The following ELAPOR1 variants were observed in gnomAD, a reference collection of about 807,000 sequenced individuals.
ELAPOR1 encodes endosome/lysosome-associated apoptosis and autophagy regulator 1.
A neutral mutation model predicts 119.7 loss-of-function variants in ELAPOR1; 77 were observed. The observed-to-expected ratio is 0.64, with a 90% CI of 0.54 to 0.78. The LOEUF is 0.78. Among genes scored for constraint, ELAPOR1 ranks in the 30% least tolerant of loss-of-function variants. ELAPOR1 has a pLI of 0.00. For synonymous variants in ELAPOR1, 481 were observed against 487.2 expected (o/e 0.99, Z 0.17); for missense variants, 1,115 against 1,270.4 (o/e 0.88, Z 1.86).
chr1:109,190,232 C>T (rs79039050), intron 11 of ELAPOR1, among the ~76,000 whole-genome samples: 59 of 152,264 alleles, frequency 3.9e-4, no homozygotes, highest in African/African-American at 1.1e-3. Flanking sequence ...GCTTACTGGC[C>T]GTGCGACCTT....
intron 7 of ELAPOR1, among the ~76,000 whole-genome samples, chr1:109,182,535 T>C (rs1652758072): frequency 6.6e-6 from 1 of 151,862 alleles, no homozygotes; most frequent in Admixed American, 6.6e-5. Context: ...AGCTGCTAAA[T>C]GATGAAGCAG....
intron 1 of ELAPOR1, among the ~76,000 whole-genome samples, chr1:109,123,552 A>C (rs1648581086): frequency 6.6e-6 from 1 of 152,260 alleles, no homozygotes; most frequent in African/African-American, 2.4e-5. Context: ...GTTGATTTGA[A>C]TGAGATGAAC....
chr1:109,199,605 C>A (rs1469933650), intron 18 of ELAPOR1, among the ~76,000 whole-genome samples: 1 of 152,172 alleles, frequency 6.6e-6, no homozygotes, highest in African/African-American at 2.4e-5. Context: ...TACAATAGCT[C>A]TCATAAGATG....
chr1:109,201,477 A>G (rs1654172206), intron 21 of ELAPOR1: 1 of 413,428 alleles, frequency 2.4e-6, no homozygotes, highest in African/African-American at 2.0e-5. Flanking sequence ...TGGGGCCAGC[A>G]GACAGCATAC....
intron 1 of ELAPOR1, among the ~76,000 whole-genome samples, chr1:109,119,755 T>C (rs1248117526): frequency 6.6e-6 from 1 of 152,340 alleles, no homozygotes; most frequent in South Asian, 2.1e-4. Flanking sequence ...ATTGTTTTGC[T>C]ATTTCAAACA....
intron 1 of ELAPOR1, among the ~76,000 whole-genome samples, chr1:109,122,461 C>T (rs969167461): frequency 1.3e-5 from 2 of 151,330 alleles, no homozygotes; most frequent in African/African-American, 4.9e-5. Context: ...GAGTTCAGGA[C>T]CAGCCTGGGC....
chr1:109,182,977 C>T (rs2763377), intron 7 of ELAPOR1, among the ~76,000 whole-genome samples: 123,246 of 151,972 alleles, frequency 0.81, 50,584 homozygotes, highest in East Asian at 1. Flanking sequence ...GGTGACACAG[C>T]AGTCATATTC....
chr1:109,145,615 C>T (rs1276909757), intron 1 of ELAPOR1, among the ~76,000 whole-genome samples: 2 of 152,102 alleles, frequency 1.3e-5, no homozygotes, highest in Non-Finnish European at 2.9e-5. Context: ...GAGATCGTGC[C>T]ACTGCATTCC....
intron 3 of ELAPOR1, among the ~76,000 whole-genome samples, chr1:109,168,051 C>T (rs1168070615): frequency 6.6e-6 from 1 of 152,114 alleles, no homozygotes; most frequent in African/African-American, 2.4e-5. Flanking sequence ...TGCTTGTTTC[C>T]CCAGCCTCTC....
intron 1 of ELAPOR1, among the ~76,000 whole-genome samples, chr1:109,145,791 G>A (rs144598440): frequency 8.5e-5 from 13 of 152,298 alleles, no homozygotes; most frequent in Non-Finnish European, 5.9e-5. Context: ...ATGGAACTGG[G>A]ACTGCAGTTG....
intron 1 of ELAPOR1, among the ~76,000 whole-genome samples, chr1:109,143,659 C>T (rs1209655631): frequency 6.6e-6 from 1 of 152,066 alleles, no homozygotes; most frequent in Non-Finnish European, 1.5e-5. Context: ...TGAGTTTCAG[C>T]TGCCTGTAAA....
At chr1:109,184,815 G>T (rs988112649) in intron 7 of ELAPOR1, among the ~76,000 whole-genome samples, 1 of 152,236 alleles carries the variant, frequency 6.6e-6, no homozygotes, top group South Asian at 2.1e-4. Flanking sequence ...GCAAACAGTG[G>T]TTTCTCATCA....
chr1:109,199,207 C>G (rs553286767), intron 18 of ELAPOR1, among the ~76,000 whole-genome samples: 8 of 152,268 alleles, frequency 5.3e-5, no homozygotes, highest in African/African-American at 1.9e-4. Flanking sequence ...TGAACTAAAT[C>G]AAAAATTTCT....
chr1:109,182,056 G>C (rs887343930), intron 7 of ELAPOR1, among the ~76,000 whole-genome samples: 1 of 152,158 alleles, frequency 6.6e-6, no homozygotes, highest in South Asian at 2.1e-4. Context: ...TCCCGGCTGG[G>C]CATGGTGGCT....
At chr1:109,182,844 G>C (rs1440324735) in intron 7 of ELAPOR1, among the ~76,000 whole-genome samples, 3 of 145,574 alleles carry the variant, frequency 2.1e-5, no homozygotes, top group Admixed American at 7.0e-5. Flanking sequence ...TCCAGCCTGG[G>C]CAACAGAGCA....
chr1:109,177,169 C>T (rs1158567466), intron 7 of ELAPOR1, among the ~76,000 whole-genome samples: 1 of 149,652 alleles, frequency 6.7e-6, no homozygotes, highest in East Asian at 2.0e-4. Flanking sequence ...TCCTCACTTC[C>T]CAGTAGGGGC....
At chr1:109,190,850 TC>T (rs1241367504) in intron 11 of ELAPOR1, among the ~76,000 whole-genome samples, 1 of 152,090 alleles carries the variant, frequency 6.6e-6, no homozygotes, top group Non-Finnish European at 1.5e-5. Flanking sequence ...CCGGCAAAGC[TC>T]CCCAGTGCTG....
intron 1 of ELAPOR1, among the ~76,000 whole-genome samples, chr1:109,129,802 TAGAA>T (rs1212960893): frequency 1.3e-5 from 2 of 152,190 alleles, no homozygotes; most frequent in African/African-American, 2.4e-5. Flanking sequence ...CTGTGAAAAT[TAGAA>T]AGGAGAAATA....
intron 1 of ELAPOR1, among the ~76,000 whole-genome samples, chr1:109,140,486 G>C (rs1233273866): frequency 2.0e-5 from 3 of 152,190 alleles, no homozygotes; most frequent in African/African-American, 7.2e-5. Context: ...CTTGCATTTT[G>C]TATAGATCAC....
Sources: allele counts gnomAD v4.1 joint callset (sites outside exome capture counted in the v4.1 genomes callset), GRCh38; gene constraint gnomAD v4.1.1; transcripts MANE v1.5; gene names NCBI Gene and HGNC (gene_info 2026-07-23, HGNC 2026-07-21).